SIN3A: variants seen among roughly 807,000 people sequenced by gnomAD.
SIN3A encodes the protein paired amphipathic helix protein Sin3a.
A neutral mutation model predicts 146.1 loss-of-function variants in SIN3A; 14 were observed. That is an observed-to-expected ratio of 0.10 (90% CI 0.06 to 0.15). The LOEUF (loss-of-function observed/expected upper bound fraction) is 0.15. Among genes scored for constraint, SIN3A ranks in the 10% least tolerant of loss-of-function variants. SIN3A has a pLI of 1.00. For synonymous variants in SIN3A, 572 were observed against 572.0 expected, an observed-to-expected ratio of 1.00 and a Z score of 0.00; for missense variants, 1,028 against 1,576.0, an observed-to-expected ratio of 0.65 and a Z score of 5.89.
chr15:75,435,942 A>G (rs545323811), intron 1 of SIN3A, among the ~76,000 whole-genome samples: 2 of 147,844 alleles, frequency 1.4e-5, no homozygotes, highest in Admixed American at 6.7e-5. Flanking sequence ...CTGGGCAACA[A>G]TGGGATGACC....
chr15:75,377,617 T>C lies in SIN3A; in HGVS notation c.3384-1745A>G, dbSNP rs111634897. Among the ~76,000 whole-genome samples, 824 of 149,946 alleles carry C rather than the reference T, an allele frequency of 5.5e-3. 6 individuals are homozygous for C. The highest frequency in any genetic ancestry group is 0.019 in the African/African-American group (766 of 40,714). ...TCCAGCTTGGGCAACAGAGTGAGACTCTGCCTCAAAAAAAAAAAAAGAAAA... is the reference window on the plus strand; with the variant it reads ...TCCAGCTTGGGCAACAGAGTGAGACCCTGCCTCAAAAAAAAAAAAAGAAAA... On this transcript the variant is annotated intron_variant, in intron 19 of 20. Transcript: ENST00000394947.
intron 12 of SIN3A, among the ~76,000 whole-genome samples, chr15:75,398,588 T>C (rs2073347412): frequency 6.6e-6 from 1 of 151,868 alleles, no homozygotes; most frequent in Non-Finnish European, 1.5e-5. Flanking sequence ...TGAGGCAGGA[T>C]AATGGCTTAA....
intron 17 of SIN3A, 27 bp from the exon 18 acceptor site, chr15:75,381,732 C>A: frequency 6.5e-7 from 1 of 1,545,656 alleles, no homozygotes; most frequent in Non-Finnish European, 8.9e-7. Flanking sequence ...TAAGCGTAAA[C>A]AAAAGACCGT....
chr15:75,392,902 A>G, intron 14 of SIN3A, 87 bp from the exon 15 acceptor site: 1 of 979,012 alleles, frequency 1.0e-6, no homozygotes, highest in South Asian at 1.6e-5. Context: ...ACATCCCATT[A>G]TCAACCACAG....
rs1337995208 is a variant in SIN3A at position 75,414,267 on chromosome 15, A to G, written c.411T>C (p.Phe137=). The G allele has an allele frequency of 2.6e-6, 4 of 1,562,822 alleles. No individual in the cohort carries two copies. The highest frequency in any genetic ancestry group is 1.3e-5 in the African/African-American group (1 of 74,464). ...CATTGTAGACCTGAGGCTGACTACCAAACTGCAGCTTCACCTGGTCAAGAT... is the reference window on the plus strand; with the variant it reads ...CATTGTAGACCTGAGGCTGACTACCGAACTGCAGCTTCACCTGGTCAAGAT... ...LSYLDQVKLQ[F]GSQPQVYNDF... Residue 137 remains phenylalanine (F), a synonymous_variant, in exon 4 of 21, where the codon TTT becomes TTC. Coordinates refer to ENST00000394947, the MANE Select transcript of SIN3A (RefSeq NM_001145358.2).
At chr15:75,391,371 G>A (rs777426475) in intron 15 of SIN3A, among the ~76,000 whole-genome samples, 8 of 152,084 alleles carry the variant, frequency 5.3e-5, no homozygotes, top group Non-Finnish European at 7.4e-5. Context: ...ACCACAATGA[G>A]ATCTAAAATT....
At chr15:75,419,445 A>G (rs1037442151) in intron 3 of SIN3A, 1 of 152,236 alleles carries the variant, frequency 6.6e-6, no homozygotes, top group Non-Finnish European at 1.5e-5. Flanking sequence ...AACCCAAAAG[A>G]AAGCAATTAT....
chr15:75,449,218 T>C (rs970416532), intron 1 of SIN3A, among the ~76,000 whole-genome samples: 1 of 152,200 alleles, frequency 6.6e-6, no homozygotes, highest in Middle Eastern at 3.2e-3. Flanking sequence ...CCAATTCTAT[T>C]ACAGCCATCA....
chr15:75,450,674 T>G (rs1305267709), intron 1 of SIN3A, among the ~76,000 whole-genome samples: 1 of 152,184 alleles, frequency 6.6e-6, no homozygotes, highest in Non-Finnish European at 1.5e-5. Flanking sequence ...ACAGGGCCCT[T>G]GTGCCCCCAG....
At chr15:75,375,565 G>A (rs1308543594) in intron 20 of SIN3A, 100 bp downstream of exon 20, 4 of 905,356 alleles carry the variant, frequency 4.4e-6, no homozygotes, top group East Asian at 2.5e-5. Context: ...CCAAGAACAG[G>A]TTTGCATAAA....
chr15:75,407,012 G>A, intron 9 of SIN3A, 43 bp downstream of exon 9: 2 of 1,331,150 alleles, frequency 1.5e-6, no homozygotes, highest in Admixed American at 1.8e-5. Context: ...ATTTTCTTTT[G>A]GCATTAACAG....
chr15:75,414,270 C>G lies in SIN3A; in HGVS notation c.408G>C (p.Gln136His). 1 of 1,561,768 alleles carries G rather than the reference C, an allele frequency of 6.4e-7. No individual in the cohort carries two copies. Among genetic ancestry groups the G allele is most frequent in the Non-Finnish European group, 8.7e-7 (1 of 1,146,404 alleles). The change falls in exon 4 of 21, where the codon CAG becomes CAC. Residue 136 changes from glutamine (Q) to histidine (H), a missense_variant. Physicochemically the swap from Gln to His is conservative, Grantham distance 24 (BLOSUM62 0). This residue lies in a region of SIN3A where 152 missense variants were observed against 231.5 expected (regional missense o/e 0.66). Coordinates refer to ENST00000394947, the MANE Select transcript of SIN3A (RefSeq NM_001145358.2). ...TGTAGACCTGAGGCTGACTACCAAA[C>G]TGCAGCTTCACCTGGTCAAGATAAG... ...ALSYLDQVKL[Q>H]FGSQPQVYND... is the part of the protein sequence containing the mutation.
chr15:75,437,160 T>C (rs1442418258), intron 1 of SIN3A, among the ~76,000 whole-genome samples: 8 of 148,462 alleles, frequency 5.4e-5, no homozygotes, highest in South Asian at 4.3e-4. Flanking sequence ...TCCTGTCAGA[T>C]AGGCAGTCCC....
At chr15:75,450,876 G>A (rs911498867) in intron 1 of SIN3A, among the ~76,000 whole-genome samples, 2 of 152,204 alleles carry the variant, frequency 1.3e-5, no homozygotes, top group African/African-American at 2.4e-5. Flanking sequence ...GGGCCTGGGC[G>A]GGGTGCAGGG....
chr15:75,400,852 T>G lies in SIN3A; in HGVS notation c.1615A>C (p.Thr539Pro), dbSNP rs1464700220. 1.2e-6 allele frequency: 2 copies of G among 1,614,146 alleles called. No homozygotes were observed. Among genetic ancestry groups the G allele is most frequent in the African/African-American group, 2.7e-5 (2 of 75,058 alleles). The change falls in exon 11 of 21, where the codon ACA becomes CCA. Residue 539 changes from threonine (T) to proline (P), a missense_variant. Coordinates refer to ENST00000394947, the MANE Select transcript of SIN3A (RefSeq NM_001145358.2). ...TCTATCTCCATAGCAATGCCCTCTG[T>G]GGCTCGCTCCTTTGGATAAGTTTCC... ...HLETYPKERATEGIAMEIDYA... is the reference protein window; with the variant it reads ...HLETYPKERAPEGIAMEIDYA...
rs1555441578 is a variant in SIN3A at position 75,378,906 on chromosome 15, A to ATC, written c.3383+1722_3383+1723insGA. ...AATAGGGATATATATATATATATAT[A>ATC]TATTTTATTTTTGAGGCAGAGTCTC... On this transcript the variant is annotated intron_variant, in intron 19 of 20. Transcript: ENST00000394947. Among the ~76,000 whole-genome samples, 5 of 149,694 alleles carry ATC rather than the reference A, an allele frequency of 3.3e-5. No individual in the cohort carries two copies. In the Admixed American group the frequency reaches 3.3e-4, roughly 10 times the overall value.
intron 12 of SIN3A, among the ~76,000 whole-genome samples, chr15:75,399,648 G>C (rs1478847979): frequency 6.6e-6 from 1 of 152,222 alleles, no homozygotes; most frequent in Admixed American, 6.5e-5. Flanking sequence ...CAAGATACTT[G>C]CTAAGGGTAA....
intron 20 of SIN3A, among the ~76,000 whole-genome samples, 171 bp downstream of exon 20, chr15:75,375,494 G>A (rs2072837831): frequency 6.6e-6 from 1 of 152,118 alleles, no homozygotes; most frequent in Admixed American, 6.5e-5. Flanking sequence ...CACAGTCTGT[G>A]GTACTTTGTC....
chr15:75,380,313 C>G (rs748705367), intron 19 of SIN3A, among the ~76,000 whole-genome samples: 15 of 152,188 alleles, frequency 9.9e-5, no homozygotes, highest in Non-Finnish European at 2.1e-4. Context: ...CATCTTCTCG[C>G]TGTACTAAAT....
Sources: gnomAD v4.1 joint callset for allele counts (sites outside exome capture counted in the v4.1 genomes callset) on GRCh38, gnomAD v4.1.1 for gene constraint, gnomAD v4.1.1 regional missense constraint, MANE v1.5 for transcripts, NCBI Gene and HGNC (gene_info 2026-07-23, HGNC 2026-07-21) for gene names.